The following ADAM12 variants were observed in gnomAD, a reference collection of about 807,000 sequenced individuals.
ADAM12 encodes the protein ADAM metallopeptidase domain 12.
ADAM12 carries 70 observed loss-of-function variants against 106.4 expected under a neutral mutation model. That is an observed-to-expected ratio of 0.66 (90% CI 0.54 to 0.80). The LOEUF is 0.80. Among genes scored for constraint, ADAM12 ranks in the 30% least tolerant of loss-of-function variants. ADAM12 has a pLI of 0.00. For synonymous variants in ADAM12, 420 were observed against 433.5 expected (o/e 0.97, Z 0.39); for missense variants, 1,010 against 1,171.9 (o/e 0.86, Z 2.02).
At chr10:126,160,108 T>C (rs1956905735) in intron 3 of ADAM12, among the ~76,000 whole-genome samples, 1 of 152,124 alleles carries the variant, frequency 6.6e-6, no homozygotes, top group Admixed American at 6.5e-5. Flanking sequence ...TCTCAAGATA[T>C]TTTGAAGACA....
chr10:126,170,040 C>G (rs1349462137), intron 3 of ADAM12, among the ~76,000 whole-genome samples: 1 of 152,184 alleles, frequency 6.6e-6, no homozygotes, highest in Admixed American at 6.5e-5. Flanking sequence ...CTTTACCCAC[C>G]CAGCTCGGTG....
chr10:126,246,892 C>A (rs1176226978), intron 3 of ADAM12, among the ~76,000 whole-genome samples: 2 of 152,092 alleles, frequency 1.3e-5, no homozygotes, highest in African/African-American at 4.8e-5. Flanking sequence ...GGCAATCAGG[C>A]AAGAGAAAGT....
intron 3 of ADAM12, among the ~76,000 whole-genome samples, chr10:126,180,457 C>T (rs576324236): frequency 2.0e-5 from 3 of 152,182 alleles, no homozygotes; most frequent in Admixed American, 6.5e-5. Flanking sequence ...TGGCATGTAA[C>T]GTTTATTGCT....
chr10:126,176,885 T>C (rs1040335174), intron 3 of ADAM12, among the ~76,000 whole-genome samples: 1 of 152,002 alleles, frequency 6.6e-6, no homozygotes, highest in Non-Finnish European at 1.5e-5. Context: ...AGAAAAAGCA[T>C]GGAGAGAAAT....
At chr10:126,155,687 T>C (rs2133724374) in intron 3 of ADAM12, among the ~76,000 whole-genome samples, 1 of 152,362 alleles carries the variant, frequency 6.6e-6, no homozygotes, top group South Asian at 2.1e-4. Flanking sequence ...GAAAATCTCC[T>C]GCTTGGAAGT....
chr10:126,175,098 C>T (rs2133771603), intron 3 of ADAM12, among the ~76,000 whole-genome samples: 1 of 152,308 alleles, frequency 6.6e-6, no homozygotes, highest in Middle Eastern at 3.4e-3. Context: ...CTGCTATTTC[C>T]TTGGGACCAC....
At chr10:126,274,013 A>C (rs951564421) in intron 3 of ADAM12, among the ~76,000 whole-genome samples, 1 of 152,162 alleles carries the variant, frequency 6.6e-6, no homozygotes, top group African/African-American at 2.4e-5. Context: ...CCTTTCTGGA[A>C]GGTTTTCTCC....
chr10:126,104,559 A>G (rs186173158), intron 8 of ADAM12, among the ~76,000 whole-genome samples: 1 of 152,168 alleles, frequency 6.6e-6, no homozygotes, highest in African/African-American at 2.4e-5. Flanking sequence ...TTCCTAATGA[A>G]TAAGGAGGAC....
At chr10:126,088,458 C>T (rs529516402) in intron 11 of ADAM12, among the ~76,000 whole-genome samples, 29 of 151,664 alleles carry the variant, frequency 1.9e-4, no homozygotes, top group African/African-American at 5.3e-4. Context: ...CCTAGCACTA[C>T]GGGAGGCTGA....
At chr10:126,349,443 C>A (rs1855272631) in intron 1 of ADAM12, among the ~76,000 whole-genome samples, 1 of 152,140 alleles carries the variant, frequency 6.6e-6, no homozygotes, top group Non-Finnish European at 1.5e-5. Context: ...CAAATAATAT[C>A]CTGGCTCAAC....
At chr10:126,268,471 C>A (rs1299759879) in intron 3 of ADAM12, among the ~76,000 whole-genome samples, 1 of 152,156 alleles carries the variant, frequency 6.6e-6, no homozygotes, top group African/African-American at 2.4e-5. Context: ...CCTGATGAAG[C>A]CCAGCTTTGT....
At chr10:126,029,479 A>C (rs1323027594) in intron 21 of ADAM12, among the ~76,000 whole-genome samples, 1 of 152,194 alleles carries the variant, frequency 6.6e-6, no homozygotes, top group Non-Finnish European at 1.5e-5. Flanking sequence ...TCAGCAAACT[A>C]ATGCAGGAAC....
In ADAM12 at chr10:126,046,138, G is replaced by A; in HGVS notation, c.1918-6C>T. The A allele has an allele frequency of 1.2e-6, 2 of 1,613,060 alleles. No homozygotes were observed. The highest frequency in any genetic ancestry group is 1.7e-6 in the Non-Finnish European group (2 of 1,179,042). ...CATTGACGATTCAGGCAGATCTGTA[G>A]GAGGAGGAAAACACAGCAAATCTCT... On this transcript the variant is annotated splice_polypyrimidine_tract_variant and splice_region_variant and intron_variant, in intron 16 of 22. Coordinates refer to ENST00000448723, the MANE Select transcript of ADAM12 (RefSeq NM_001288973.2).
intron 3 of ADAM12, among the ~76,000 whole-genome samples, chr10:126,267,852 C>T (rs1959130700): frequency 6.6e-6 from 1 of 152,074 alleles, no homozygotes; most frequent in South Asian, 2.1e-4. Flanking sequence ...AAGAAACTAT[C>T]ACCGTCTTCC....
intron 3 of ADAM12, among the ~76,000 whole-genome samples, chr10:126,267,909 T>G (rs532537351): frequency 6.6e-6 from 1 of 152,360 alleles, no homozygotes; most frequent in East Asian, 1.9e-4. Context: ...GGAGACCTTT[T>G]GTTAGATAAT....
chr10:126,175,531 T>C (rs1957205030), intron 3 of ADAM12, among the ~76,000 whole-genome samples: 1 of 152,266 alleles, frequency 6.6e-6, no homozygotes, highest in Non-Finnish European at 1.5e-5. Flanking sequence ...TTCCTTTTTC[T>C]GTGTACATGA....
chr10:126,063,520 A>G (rs988208963), intron 14 of ADAM12, among the ~76,000 whole-genome samples: 3 of 152,192 alleles, frequency 2.0e-5, no homozygotes, highest in Admixed American at 6.5e-5. Context: ...CAAAGGTCCT[A>G]TCAGGTTTCC....
chr10:126,312,099 T>C (rs1259293611), intron 2 of ADAM12, among the ~76,000 whole-genome samples: 2 of 133,870 alleles, frequency 1.5e-5, no homozygotes, highest in East Asian at 4.5e-4. Context: ...GACACCCAAC[T>C]GGTGTCCAAA....
rs80184988 is a variant in ADAM12, at chr10:126,045,227, A to G, written c.1995+828T>C. 1.7e-3 allele frequency among the ~76,000 whole-genome samples: 262 copies of G among 152,252 alleles called. 1 individual carries two copies. The East Asian group carries it at 0.031, about 18-fold the overall frequency. On this transcript the variant is annotated intron_variant, in intron 17 of 22. Coordinates refer to ENST00000448723, the MANE Select transcript of ADAM12 (RefSeq NM_001288973.2). ...TGATCATCTCTTAACAGCCATCAGA[A>G]AATAATCTATGATCCAATGAAGACA...
Sources: allele counts gnomAD v4.1 joint callset (sites outside exome capture counted in the v4.1 genomes callset), GRCh38; gene constraint gnomAD v4.1.1; transcripts MANE v1.5; gene names NCBI Gene and HGNC (gene_info 2026-07-23, HGNC 2026-07-21).